The following RBFOX1 variants were observed in gnomAD, a reference collection of about 807,000 sequenced individuals.
The protein encoded by RBFOX1 is RNA binding protein fox-1 homolog 1.
RBFOX1 carries 8 observed loss-of-function variants against 57.7 expected under a neutral mutation model. The observed-to-expected ratio is 0.14, with a 90% CI of 0.08 to 0.25. The LOEUF is 0.25. Ranked by LOEUF, RBFOX1 falls within the 10% of genes least tolerant of loss-of-function variation. The probability of loss-of-function intolerance (pLI) is 1.00; values close to 1 mark genes in which losing one functional copy is unlikely to be tolerated. For missense variants in RBFOX1, 611 were observed against 548.5 expected (o/e 1.11, Z -1.14); for synonymous variants, 326 against 222.4 (o/e 1.47, Z -4.15).
intron 2 of RBFOX1, among the ~76,000 whole-genome samples, chr16:6,364,497 C>T (rs992635499): frequency 6.6e-6 from 1 of 152,180 alleles, no homozygotes; most frequent in African/African-American, 2.4e-5. Context: ...CATCTGTTCT[C>T]TGTTGGTCCC....
intron 1 of RBFOX1, among the ~76,000 whole-genome samples, chr16:6,055,101 T>A (rs939716706): frequency 2.0e-5 from 3 of 152,190 alleles, no homozygotes; most frequent in Non-Finnish European, 4.4e-5. Flanking sequence ...GTAGAGTGTT[T>A]CTTGTGGCAT....
At chr16:5,748,978 C>T (rs987055116) in intron 3 of RBFOX1, among the ~76,000 whole-genome samples, 8 of 152,196 alleles carry the variant, frequency 5.3e-5, no homozygotes, top group Non-Finnish European at 1.0e-4. Flanking sequence ...ATGGTCTTTA[C>T]AATTTGGCAT....
At chr16:6,965,697 C>G (rs893474829) in intron 3 of RBFOX1, among the ~76,000 whole-genome samples, 7 of 152,292 alleles carry the variant, frequency 4.6e-5, no homozygotes, top group South Asian at 4.1e-4. Context: ...ATTATCTGAA[C>G]TTAAAAAGTA....
intron 3 of RBFOX1, among the ~76,000 whole-genome samples, chr16:6,806,836 A>ATATATATATATATTTTTTT (rs754342591): frequency 1.1e-5 from 1 of 91,904 alleles, no homozygotes; most frequent in African/African-American, 4.1e-5. Context: ...ATATATATAT[A>ATATATATATATATTTTTTT]TTTTTTTTTT....
chr16:6,218,218 C>T (rs911685583), intron 1 of RBFOX1, among the ~76,000 whole-genome samples: 9 of 152,056 alleles, frequency 5.9e-5, no homozygotes, highest in Admixed American at 5.9e-4. Flanking sequence ...CTTGAGTATG[C>T]CAGGTGAATT....
At chr16:5,483,863 C>T (rs1419038438) in intron 2 of RBFOX1, among the ~76,000 whole-genome samples, 3 of 152,186 alleles carry the variant, frequency 2.0e-5, no homozygotes, top group African/African-American at 7.2e-5. Flanking sequence ...GAATCTCTCA[C>T]AGGCTGTAAT....
chr16:6,805,737 C>A (rs767357586), intron 3 of RBFOX1, among the ~76,000 whole-genome samples: 2 of 152,150 alleles, frequency 1.3e-5, no homozygotes, highest in African/African-American at 4.8e-5. Context: ...ACCCTCCTTT[C>A]TTCAAGGTTT....
chr16:6,738,062 T>A (rs2070906719), intron 3 of RBFOX1, among the ~76,000 whole-genome samples: 1 of 146,726 alleles, frequency 6.8e-6, no homozygotes, highest in Non-Finnish European at 1.5e-5. Context: ...TGTCTCTTTT[T>A]TTTTTGCGGT....
intron 3 of RBFOX1, among the ~76,000 whole-genome samples, chr16:6,995,745 A>G (rs921316310): frequency 1.2e-4 from 19 of 152,212 alleles, no homozygotes; most frequent in African/African-American, 4.6e-4. Context: ...TGGGCCATAG[A>G]GTGAGACTCC....
At chr16:6,223,142 A>G (rs1193461041) in intron 1 of RBFOX1, among the ~76,000 whole-genome samples, 1 of 150,456 alleles carries the variant, frequency 6.6e-6, no homozygotes, top group East Asian at 2.0e-4. Context: ...GCTATTGTGG[A>G]TAGTGCCACA....
intron 1 of RBFOX1, among the ~76,000 whole-genome samples, chr16:5,440,350 T>G (rs966153889): frequency 3.3e-5 from 5 of 152,220 alleles, no homozygotes; most frequent in African/African-American, 1.2e-4. Context: ...AGAATTTCTT[T>G]AGAAAGAATT....
In RBFOX1 at chr16:6,635,799, G is replaced by C. The variant is rs74500397; in HGVS notation, c.-63-18804G>C. Among the ~76,000 whole-genome samples the C allele has an allele frequency of 9.8e-3, 1,498 of 152,208 alleles. 28 individuals carry two copies. Among genetic ancestry groups the C allele is most frequent in the African/African-American group, 0.033 (1,379 of 41,526 alleles). On this transcript the variant is annotated intron_variant, in intron 2 of 15. Coordinates refer to ENST00000550418, the MANE Select transcript of RBFOX1 (RefSeq NM_018723.4). ...TGATGCACTTGACCAGTCAGTCTTA[G>C]GGTTTAGGTCACTATCATATTCACC...
chr16:5,415,314 C>T (rs543156032), intron 1 of RBFOX1, among the ~76,000 whole-genome samples: 32 of 152,298 alleles, frequency 2.1e-4, no homozygotes, highest in African/African-American at 6.7e-4. Context: ...TACTTTAAAA[C>T]GACCAGCTCT....
intron 3 of RBFOX1, among the ~76,000 whole-genome samples, chr16:5,862,972 C>G (rs899169231): frequency 1.3e-5 from 2 of 152,118 alleles, no homozygotes; most frequent in African/African-American, 4.8e-5. Flanking sequence ...CCGGACATCT[C>G]CTGATGTGTG....
At chr16:5,803,606 A>G (rs760978639) in intron 3 of RBFOX1, among the ~76,000 whole-genome samples, 73 of 152,250 alleles carry the variant, frequency 4.8e-4, no homozygotes, top group Non-Finnish European at 8.4e-4. Flanking sequence ...TTTGTTGGGC[A>G]TTCATTAAGA....
chr16:5,735,226 G>C (rs1302865571), intron 3 of RBFOX1, among the ~76,000 whole-genome samples: 2 of 152,102 alleles, frequency 1.3e-5, no homozygotes, highest in East Asian at 3.9e-4. Context: ...TGAAGGAAGG[G>C]GTCAGGACCC....
rs1275854603 is a variant in RBFOX1, at chr16:6,478,421, ATATATATATTTTTTTTT to A, written c.-64+161366_-64+161382del. 4.0e-4 allele frequency among the ~76,000 whole-genome samples: 5 copies of A among 12,434 alleles called. 1 individual carries two copies. The highest frequency in any genetic ancestry group is 1.1e-3 in the African/African-American group (5 of 4,414). The allele number at this position is 12,434 out of a possible 152,430, so 8.2% of individuals were successfully genotyped here. On this transcript the variant is annotated intron_variant, in intron 2 of 15. Transcript: ENST00000550418. ...TATATATATATATATATATATATAT[ATATATATATTTTTTTTT>A]TTTTTTTTTGTATTTTTAGTAGAGA...
intron 3 of RBFOX1, among the ~76,000 whole-genome samples, chr16:5,856,603 A>ATATATG (rs1403852528): frequency 6.3e-5 from 7 of 110,678 alleles, no homozygotes; most frequent in African/African-American, 2.3e-4. Flanking sequence ...ATATATATAT[A>ATATATG]TAATCTTAGC....
intron 3 of RBFOX1, among the ~76,000 whole-genome samples, chr16:5,719,672 C>T (rs1596950680): frequency 6.6e-6 from 1 of 152,222 alleles, no homozygotes; most frequent in East Asian, 1.9e-4. Flanking sequence ...TAGGTGGCCT[C>T]TTGTGCCTGT....
Sources: gnomAD v4.1 joint callset for allele counts (sites outside exome capture counted in the v4.1 genomes callset) on GRCh38, gnomAD v4.1.1 for gene constraint, MANE v1.5 for transcripts, NCBI Gene and HGNC (gene_info 2026-07-23, HGNC 2026-07-21) for gene names.